CACNG3: variants seen among roughly 807,000 people sequenced by gnomAD.
CACNG3 encodes voltage-dependent calcium channel gamma-3 subunit.
In CACNG3, 3 loss-of-function variants were observed where a neutral mutation model predicts 28.5. That is an observed-to-expected ratio of 0.11 (90% confidence interval 0.05 to 0.27). CACNG3 has a LOEUF of 0.27. CACNG3 is among the 10% of genes least tolerant of loss of function. The pLI is 1.00. For missense variants in CACNG3, 236 were observed against 414.4 expected (o/e 0.57, Z 3.74); for synonymous variants, 174 against 162.2 (o/e 1.07, Z -0.55).
At position 24,312,283 on chromosome 16, in the gene CACNG3, C is replaced by A. The variant is rs546755522; in HGVS notation, c.212-34451C>A. Among the ~76,000 whole-genome samples the A allele has an allele frequency of 7.1e-4, 108 of 152,290 alleles. 1 individual carries two copies. The highest frequency in any genetic ancestry group is 2.3e-3 in the African/African-American group (97 of 41,560). ...ACTGAGCCGAGCATCTGCTCCTGTC[C>A]CATCTATCCTCCCCATCTATGCTCC... is the stretch of plus-strand genomic sequence containing the variant. On this transcript the variant is annotated intron_variant, in intron 1 of 3. Transcript: ENST00000005284.
Position 24,322,386 on chromosome 16 carries a change from A to T in CACNG3, c.212-24348A>T, listed in dbSNP as rs552241556. Among the ~76,000 whole-genome samples the T allele has an allele frequency of 2.6e-5, 4 of 152,264 alleles. No homozygotes were observed. In the South Asian group the frequency reaches 8.3e-4, roughly 32 times the overall value. Reference sequence around the variant, plus strand: ...GGACCTGCCACAAGCTGCCAAGAGAAGCTGGATGCTTCACAGCCACAGTTT... The same window carrying T: ...GGACCTGCCACAAGCTGCCAAGAGATGCTGGATGCTTCACAGCCACAGTTT... On this transcript the variant is annotated intron_variant, in intron 1 of 3. Coordinates refer to ENST00000005284, the MANE Select transcript of CACNG3 (RefSeq NM_006539.4).
At chr16:24,257,079 G>A in intron 1 of CACNG3, 114 bp downstream of exon 1, 1 of 713,366 alleles carries the variant, frequency 1.4e-6, no homozygotes, top group Non-Finnish European at 2.4e-6. Context: ...AATTATTGCT[G>A]AGAATGTGCA....
chr16:24,313,416 A>T (rs1368756159), intron 1 of CACNG3, among the ~76,000 whole-genome samples: 4 of 152,080 alleles, frequency 2.6e-5, no homozygotes, highest in African/African-American at 9.7e-5. Context: ...AAGCTCATAA[A>T]CCCTACACTA....
At chr16:24,291,489 A>G (rs1333592535) in intron 1 of CACNG3, among the ~76,000 whole-genome samples, 1 of 152,106 alleles carries the variant, frequency 6.6e-6, no homozygotes, top group African/African-American at 2.4e-5. Flanking sequence ...GGTGGAAACT[A>G]TATTATTGAG....
intron 1 of CACNG3, among the ~76,000 whole-genome samples, chr16:24,277,611 C>T (rs1200848690): frequency 1.3e-5 from 2 of 151,904 alleles, no homozygotes; most frequent in Non-Finnish European, 1.5e-5. Flanking sequence ...CCCGTCTCTA[C>T]CAAAAATACA....
At chr16:24,259,888 A>T (rs1198928289) in intron 1 of CACNG3, among the ~76,000 whole-genome samples, 1 of 152,176 alleles carries the variant, frequency 6.6e-6, no homozygotes, top group Non-Finnish European at 1.5e-5. Context: ...AGGAACTTTT[A>T]AAAAATTAGA....
chr16:24,262,381 G>T (rs904856009), intron 1 of CACNG3, among the ~76,000 whole-genome samples: 2 of 152,244 alleles, frequency 1.3e-5, no homozygotes, highest in Non-Finnish European at 2.9e-5. Context: ...GGATTGGGCA[G>T]GTGGTAGAGG....
At chr16:24,360,106 A>G (rs940753247) in intron 3 of CACNG3, among the ~76,000 whole-genome samples, 16 of 152,196 alleles carry the variant, frequency 1.1e-4, no homozygotes, top group African/African-American at 3.9e-4. Context: ...GTCGGAAACT[A>G]TAATGAGGGA....
At chr16:24,317,232 G>A (rs183042031) in intron 1 of CACNG3, among the ~76,000 whole-genome samples, 483 of 152,150 alleles carry the variant, frequency 3.2e-3, no homozygotes, top group Admixed American at 4.9e-3. Context: ...TTCAAACAAG[G>A]TTACATGGGT....
intron 1 of CACNG3, among the ~76,000 whole-genome samples, chr16:24,274,123 G>A (rs1177549269): frequency 6.7e-6 from 1 of 149,580 alleles, no homozygotes; most frequent in Admixed American, 6.7e-5. Context: ...GGAGGCGGAG[G>A]TTGCAGTGAG....
intron 3 of CACNG3, among the ~76,000 whole-genome samples, chr16:24,358,127 T>C (rs73556441): frequency 0.018 from 2,817 of 152,308 alleles, 81 homozygotes; most frequent in African/African-American, 0.064. Flanking sequence ...CTAAGGTTGA[T>C]CATTTGAGGC....
intron 1 of CACNG3, among the ~76,000 whole-genome samples, chr16:24,264,382 T>C (rs115792293): frequency 0.046 from 7,027 of 152,266 alleles, 447 homozygotes; most frequent in African/African-American, 0.14. Context: ...ATGGGCTGTA[T>C]GTTTTCAGTG....
In CACNG3 at chr16:24,256,936, C is replaced by T; in HGVS notation, c.182C>T (p.Ser61Leu). The T allele has an allele frequency of 6.2e-7, 1 of 1,613,448 alleles. No individual in the cohort carries two copies. The highest frequency in any genetic ancestry group is 8.5e-7 in the Non-Finnish European group (1 of 1,179,380). Residue 61 changes from serine to leucine, a missense_variant, in exon 1 of 4, where the codon TCG becomes TTG. Ser to Leu is a moderately radical substitution (Grantham distance 145). This residue lies in a region of CACNG3 where 120 missense variants were observed against 263.4 expected (regional missense o/e 0.46). Coordinates refer to ENST00000005284, the MANE Select transcript of CACNG3 (RefSeq NM_006539.4). This position sits in a 1 kb window ranked among gnomAD's most constrained non-coding sequence, Gnocchi z 4.6. ...SRKNEEVMTH[S>L]GLWRTCCLEG... The stretch of plus-strand genomic sequence containing the variant: ...AAGAATGAAGAAGTAATGACCCATT[C>T]GGGGCTGTGGAGGACCTGCTGCCTA...
intron 1 of CACNG3, among the ~76,000 whole-genome samples, chr16:24,337,429 A>G (rs530936636): frequency 6.6e-6 from 1 of 152,222 alleles, no homozygotes; most frequent in South Asian, 2.1e-4. Flanking sequence ...ATCTGAAAGG[A>G]AACACTCAAA....
intron 1 of CACNG3, among the ~76,000 whole-genome samples, chr16:24,282,169 C>T (rs1278050938): frequency 6.6e-6 from 1 of 152,212 alleles, no homozygotes; most frequent in Non-Finnish European, 1.5e-5. Context: ...GCACGATCTC[C>T]ATTTTCCCAT....
chr16:24,340,254 C>T (rs1479679167), intron 1 of CACNG3, among the ~76,000 whole-genome samples: 1 of 151,952 alleles, frequency 6.6e-6, no homozygotes, highest in Non-Finnish European at 1.5e-5. Flanking sequence ...TAAAAACTAG[C>T]CTAGGTGTGG....
intron 1 of CACNG3, among the ~76,000 whole-genome samples, chr16:24,323,871 G>A (rs759394590): frequency 1.3e-5 from 2 of 152,128 alleles, no homozygotes; most frequent in South Asian, 2.1e-4. Flanking sequence ...AGGTTCAAGC[G>A]ATTCTTCTGC....
At chr16:24,259,197 A>T (rs1300946288) in intron 1 of CACNG3, among the ~76,000 whole-genome samples, 1 of 152,230 alleles carries the variant, frequency 6.6e-6, no homozygotes, top group Non-Finnish European at 1.5e-5. Flanking sequence ...TGAAGTATTA[A>T]ATACAGTAAG....
Position 24,312,903 on chromosome 16 carries a change from A to AGAAG in CACNG3, c.212-33814_212-33811dup, listed in dbSNP as rs1221123848. ...AAAAAAAAGAAAGAAAAGGAAAGAA[A>AGAAG]GAAGGAAGGAAGGAAGGAAGAAAGA... is the stretch of plus-strand genomic sequence containing the variant. On this transcript the variant is annotated intron_variant, in intron 1 of 3. Coordinates refer to ENST00000005284, the MANE Select transcript of CACNG3 (RefSeq NM_006539.4). Among the ~76,000 whole-genome samples the AGAAG allele has an allele frequency of 4.9e-3, 575 of 118,086 alleles. 3 individuals are homozygous for AGAAG. The highest frequency in any genetic ancestry group is 9.5e-3 in the African/African-American group (288 of 30,286). 77.5% of individuals were successfully genotyped at this position (118,086 alleles called of 152,430 possible).
Sources: allele counts gnomAD v4.1 joint callset (sites outside exome capture counted in the v4.1 genomes callset), GRCh38; gene constraint gnomAD v4.1.1; regional missense constraint gnomAD v4.1.1; non-coding constraint Gnocchi (gnomAD v3.1); transcripts MANE v1.5; gene names NCBI Gene and HGNC (gene_info 2026-07-23, HGNC 2026-07-21).